The following PLEKHH2 variants were observed in gnomAD, a reference collection of about 807,000 sequenced individuals.
PLEKHH2 encodes the protein pleckstrin homology domain-containing family H member 2.
PLEKHH2 carries 129 observed loss-of-function variants against 187.9 expected under a neutral mutation model. That is an observed-to-expected ratio of 0.69 (90% confidence interval 0.59 to 0.79). The LOEUF is 0.79. Among genes scored for constraint, PLEKHH2 ranks in the 30% least tolerant of loss-of-function variants. The probability of loss-of-function intolerance (pLI) is 0.00; values close to 1 mark genes in which losing one functional copy is unlikely to be tolerated. For synonymous variants in PLEKHH2, 686 were observed against 605.6 expected (o/e 1.13, Z -1.95); for missense variants, 2,076 against 1,751.2 (o/e 1.19, Z -3.31).
At chr2:43,649,842 G>C (rs1666377196) in intron 2 of PLEKHH2, among the ~76,000 whole-genome samples, 1 of 152,184 alleles carries the variant, frequency 6.6e-6, no homozygotes, top group South Asian at 2.1e-4. Context: ...GTCCACATCA[G>C]TGGGTGTGAA....
rs1440293472 is a variant in PLEKHH2 at position 43,688,029 on chromosome 2, G to GGGCTCAAGCTGTCCTCCCTCCTC, written c.187-4481_187-4459dup. On this transcript the variant is annotated intron_variant, in intron 3 of 29. Coordinates refer to ENST00000282406, the MANE Select transcript of PLEKHH2 (RefSeq NM_172069.4). Reference sequence around the variant, plus strand: ...TTGCCCAGGCTGGCCTCAAACTCCTGGGCTCAAGCTGTCCTCCCTCCTCGG... The same window carrying GGGCTCAAGCTGTCCTCCCTCCTC: ...TTGCCCAGGCTGGCCTCAAACTCCTGGGCTCAAGCTGTCCTCCCTCCTCGGCTCAAGCTGTCCTCCCTCCTCGG... Among the ~76,000 whole-genome samples the GGGCTCAAGCTGTCCTCCCTCCTC allele has an allele frequency of 2.4e-4, 36 of 152,208 alleles. 1 individual carries two copies. In the Middle Eastern group the frequency reaches 0.01, roughly 43 times the overall value.
intron 16 of PLEKHH2, 110 bp downstream of exon 16, chr2:43,720,859 G>C (rs1170679016): frequency 2.8e-6 from 4 of 1,448,830 alleles, no homozygotes; most frequent in Non-Finnish European, 3.6e-6. Flanking sequence ...ATCTTTATGA[G>C]GTTGAAATTT....
chr2:43,638,997 C>T (rs1703245404), intron 1 of PLEKHH2, among the ~76,000 whole-genome samples: 1 of 152,108 alleles, frequency 6.6e-6, no homozygotes, highest in African/African-American at 2.4e-5. Flanking sequence ...ATATAATTAG[C>T]ATAACTAAAG....
intron 1 of PLEKHH2, among the ~76,000 whole-genome samples, chr2:43,639,746 T>A (rs916763602): frequency 3.4e-5 from 5 of 145,506 alleles, no homozygotes; most frequent in African/African-American, 1.3e-4. Context: ...AACTTCTGCC[T>A]CCTGGGTTAA....
intron 2 of PLEKHH2, among the ~76,000 whole-genome samples, chr2:43,674,811 G>T (rs759916911): frequency 6.6e-6 from 1 of 151,976 alleles, no homozygotes; most frequent in Non-Finnish European, 1.5e-5. Context: ...ATGGTGAAAC[G>T]CTGTCTCTAC....
chr2:43,693,199 A>G (rs62136376), intron 4 of PLEKHH2, among the ~76,000 whole-genome samples: 24,007 of 152,162 alleles, frequency 0.16, 2,000 homozygotes, highest in Middle Eastern at 0.23. Context: ...TGCTGGGATT[A>G]CAGGCATGAG....
chr2:43,685,728 C>T (rs954294314), intron 3 of PLEKHH2, among the ~76,000 whole-genome samples: 2 of 152,068 alleles, frequency 1.3e-5, no homozygotes, highest in Non-Finnish European at 2.9e-5. Flanking sequence ...CGGCATGAGC[C>T]ACCACCCACG....
chr2:43,719,671 C>G (rs1231256095), intron 15 of PLEKHH2, among the ~76,000 whole-genome samples: 2 of 152,208 alleles, frequency 1.3e-5, no homozygotes, highest in Non-Finnish European at 2.9e-5. Context: ...AACTCCTGAC[C>G]TCAGGTGATC....
chr2:43,672,772 T>G (rs1172422908), intron 2 of PLEKHH2, among the ~76,000 whole-genome samples: 7 of 152,198 alleles, frequency 4.6e-5, no homozygotes, highest in Non-Finnish European at 1.5e-5. Flanking sequence ...CCTGCCATTA[T>G]TCTCTTCCTT....
chr2:43,685,943 T>C (rs1269500405), intron 3 of PLEKHH2, among the ~76,000 whole-genome samples: 1 of 152,238 alleles, frequency 6.6e-6, no homozygotes, highest in African/African-American at 2.4e-5. Flanking sequence ...GCTGACCAAC[T>C]GGGGTAGATT....
At chr2:43,670,199 A>G (rs1482678956) in intron 2 of PLEKHH2, among the ~76,000 whole-genome samples, 1 of 152,228 alleles carries the variant, frequency 6.6e-6, no homozygotes, top group Admixed American at 6.5e-5. Flanking sequence ...TTACACTGAT[A>G]GTAATGCTTT....
At position 43,720,719 on chromosome 2, in the gene PLEKHH2, A is replaced by G. The variant is rs768852979; in HGVS notation, c.2511A>G (p.Thr837=). The change falls in exon 16 of 30, where the codon ACA becomes ACG. Residue 837 remains threonine (T), a synonymous_variant. Coordinates refer to ENST00000282406, the MANE Select transcript of PLEKHH2 (RefSeq NM_172069.4). ...KRVWCTLIGK[T]LYYFRSQEDK... is the part of the protein sequence containing the mutation. ...TCTGGTGTACACTAATAGGAAAGAC[A>G]TTATATTATTTTCGGAGTCAAGAAG... 1 of 1,608,748 alleles carries G rather than the reference A, an allele frequency of 6.2e-7. No individual in the cohort carries two copies. The highest frequency in any genetic ancestry group is 8.5e-7 in the Non-Finnish European group (1 of 1,178,468).
chr2:43,655,735 A>G (rs890601487), intron 2 of PLEKHH2, among the ~76,000 whole-genome samples: 2 of 152,178 alleles, frequency 1.3e-5, no homozygotes, highest in African/African-American at 4.8e-5. Flanking sequence ...TTGGGGTAGG[A>G]TGATTATTAC....
intron 15 of PLEKHH2, among the ~76,000 whole-genome samples, chr2:43,713,714 T>C (rs1327052196): frequency 6.6e-6 from 1 of 151,816 alleles, no homozygotes; most frequent in East Asian, 1.9e-4. Flanking sequence ...TTTTAAGTTT[T>C]AAAAAGTCCT....
chr2:43,734,692 AG>A (rs1671205313), intron 19 of PLEKHH2, among the ~76,000 whole-genome samples: 1 of 152,256 alleles, frequency 6.6e-6, no homozygotes, highest in South Asian at 2.1e-4. Context: ...AACAGTATGG[AG>A]GTTCCTCAAA....
chr2:43,681,704 G>A, intron 3 of PLEKHH2: 1 of 531,290 alleles, frequency 1.9e-6, no homozygotes, highest in Non-Finnish European at 3.3e-6. Flanking sequence ...GCCACTGAGG[G>A]CCAGGCAAGG....
At chr2:43,653,295 G>A (rs1185365467) in intron 2 of PLEKHH2, among the ~76,000 whole-genome samples, 1 of 152,054 alleles carries the variant, frequency 6.6e-6, no homozygotes, top group African/African-American at 2.4e-5. Flanking sequence ...GCTTTCAGAG[G>A]AAAAAACAGT....
At chr2:43,653,521 CAGA>C (rs1443667159) in intron 2 of PLEKHH2, among the ~76,000 whole-genome samples, 1 of 152,158 alleles carries the variant, frequency 6.6e-6, no homozygotes, top group East Asian at 1.9e-4. Context: ...GAGGACTCTC[CAGA>C]AGGAGTGCTT....
chr2:43,675,745 T>C (rs1350705197), intron 2 of PLEKHH2: 2 of 1,613,640 alleles, frequency 1.2e-6, no homozygotes, highest in African/African-American at 2.7e-5. Context: ...GTTAAGTCTT[T>C]TCATCAACTC....
Sources: gnomAD v4.1 joint callset for allele counts (sites outside exome capture counted in the v4.1 genomes callset) on GRCh38, gnomAD v4.1.1 for gene constraint, MANE v1.5 for transcripts, NCBI Gene and HGNC (gene_info 2026-07-23, HGNC 2026-07-21) for gene names.